Variants in XKR6 observed in about 807,000 individuals in gnomAD.
XKR6 encodes the protein XK-related protein 6.
In XKR6, 22 loss-of-function variants were observed where a neutral mutation model predicts 56.7. The ratio of observed to expected loss-of-function variants is 0.39; its 90% CI spans 0.28 to 0.55. The LOEUF (loss-of-function observed/expected upper bound fraction) is 0.55, where lower values mean the gene tolerates loss of function less well. XKR6 is among the 20% of genes least tolerant of loss of function. The pLI is 0.66. For missense variants in XKR6, 852 were observed against 889.0 expected, an observed-to-expected ratio of 0.96 and a Z score of 0.53; for synonymous variants, 524 against 387.8, an observed-to-expected ratio of 1.35 and a Z score of -4.13.
chr8:11,103,278 A>T (rs1007421534), intron 1 of XKR6, among the ~76,000 whole-genome samples: 20 of 152,218 alleles, frequency 1.3e-4, no homozygotes, highest in African/African-American at 4.1e-4. Context: ...TTATGCTGGT[A>T]GTGTGAAAAG....
intron 1 of XKR6, among the ~76,000 whole-genome samples, chr8:11,039,475 C>T (rs1400629817): frequency 6.6e-6 from 1 of 152,244 alleles, no homozygotes; most frequent in Non-Finnish European, 1.5e-5. Flanking sequence ...ACGCGCACTG[C>T]CCATGAGTAA....
intron 1 of XKR6, among the ~76,000 whole-genome samples, chr8:11,002,665 C>A (rs1798270195): frequency 6.6e-6 from 1 of 152,218 alleles, no homozygotes; most frequent in South Asian, 2.1e-4. Flanking sequence ...CTCACCACGC[C>A]AACCATGGGA....
rs149693100 is a variant in XKR6 at position 11,172,108 on chromosome 8, G to C, written c.764+28468C>G. Among the ~76,000 whole-genome samples the C allele has an allele frequency of 7.5e-3, 1,143 of 151,502 alleles. 19 individuals are homozygous for C. The highest frequency in any genetic ancestry group is 0.027 in the African/African-American group (1,102 of 41,328). On this transcript the variant is annotated intron_variant, in intron 1 of 2. Coordinates refer to ENST00000416569, the MANE Select transcript of XKR6 (RefSeq NM_173683.4). ...GTCTCAGGCCAGATACAGTGGCTCA[G>C]ACCTATAATCCCAGCACGTTGGGAG... is the stretch of plus-strand genomic sequence containing the variant.
chr8:11,016,121 C>T (rs1798615582), intron 1 of XKR6, among the ~76,000 whole-genome samples: 1 of 152,218 alleles, frequency 6.6e-6, no homozygotes, highest in African/African-American at 2.4e-5. Flanking sequence ...CTCTGTGGCC[C>T]CCTCGCATCC....
At chr8:11,103,683 G>T (rs1009132392) in intron 1 of XKR6, among the ~76,000 whole-genome samples, 12 of 152,186 alleles carry the variant, frequency 7.9e-5, no homozygotes, top group Admixed American at 3.9e-4. Flanking sequence ...AATGGAGCTT[G>T]CTTTGGAGGG....
chr8:10,972,938 G>C (rs536978248), intron 1 of XKR6, among the ~76,000 whole-genome samples: 1 of 152,316 alleles, frequency 6.6e-6, no homozygotes, highest in South Asian at 2.1e-4. Flanking sequence ...TGCACAGGTT[G>C]TAAGGGAAAG....
At chr8:11,199,382 C>T (rs577792309) in intron 1 of XKR6, among the ~76,000 whole-genome samples, 1 of 152,342 alleles carries the variant, frequency 6.6e-6, no homozygotes, top group South Asian at 2.1e-4. Flanking sequence ...ATTAAAAAGA[C>T]AGCAGACTTT....
chr8:10,946,025 C>T (rs1335956140), intron 1 of XKR6, among the ~76,000 whole-genome samples: 1 of 152,042 alleles, frequency 6.6e-6, no homozygotes, highest in Non-Finnish European at 1.5e-5. Context: ...GCTGGTGGCG[C>T]CCTGTGCTTT....
At chr8:10,967,684 T>C (rs1161693415) in intron 1 of XKR6, among the ~76,000 whole-genome samples, 1 of 152,228 alleles carries the variant, frequency 6.6e-6, no homozygotes, top group Non-Finnish European at 1.5e-5. Flanking sequence ...GCAGAGGGTC[T>C]GCAGCAACTT....
At chr8:11,017,461 C>A (rs890001079) in intron 1 of XKR6, among the ~76,000 whole-genome samples, 2 of 152,254 alleles carry the variant, frequency 1.3e-5, no homozygotes, top group African/African-American at 4.8e-5. Context: ...TGGCTGCAGG[C>A]AGTTTGAGCG....
chr8:11,165,506 A>T (rs1303996338), intron 1 of XKR6, among the ~76,000 whole-genome samples: 1 of 152,136 alleles, frequency 6.6e-6, no homozygotes, highest in African/African-American at 2.4e-5. Context: ...AGGTGAGGGC[A>T]ATGAGGGATG....
chr8:11,095,347 T>C (rs963910060), intron 1 of XKR6, among the ~76,000 whole-genome samples: 2 of 152,240 alleles, frequency 1.3e-5, no homozygotes, highest in Non-Finnish European at 2.9e-5. Flanking sequence ...ATATATTGTA[T>C]CTTCTAAGTT....
Position 11,112,426 on chromosome 8 carries a change from A to C in XKR6, c.764+88150T>G, listed in dbSNP as rs188422606. ...GGCCTTTTTTGAAAAAGAAAAAAAA[A>C]CAATTTTTTGGCAAAAGAAATCAAA... On this transcript the variant is annotated intron_variant, in intron 1 of 2. Transcript: ENST00000416569. Among the ~76,000 whole-genome samples, 369 of 152,338 alleles carry C rather than the reference A, an allele frequency of 2.4e-3. 1 individual carries two copies. Among genetic ancestry groups the C allele is most frequent in the Non-Finnish European group, 4.3e-3 (294 of 68,032 alleles).
chr8:11,097,474 T>C (rs866351618), intron 1 of XKR6, among the ~76,000 whole-genome samples: 2 of 109,808 alleles, frequency 1.8e-5, no homozygotes, highest in African/African-American at 9.2e-5. Context: ...AATATTTTCT[T>C]TTTTTTTTTA....
intron 1 of XKR6, among the ~76,000 whole-genome samples, chr8:11,062,187 G>A (rs929802053): frequency 2.6e-5 from 4 of 152,082 alleles, no homozygotes; most frequent in African/African-American, 9.7e-5. Flanking sequence ...ATCCTGCCCT[G>A]GGCTAGTCCG....
intron 1 of XKR6, among the ~76,000 whole-genome samples, chr8:10,944,248 TC>T (rs1435536612): frequency 6.6e-6 from 1 of 152,220 alleles, no homozygotes; most frequent in African/African-American, 2.4e-5. Flanking sequence ...AACTAGATGT[TC>T]CCAAAGGTAG....
chr8:11,070,655 A>C (rs955384976), intron 1 of XKR6, among the ~76,000 whole-genome samples: 1 of 152,224 alleles, frequency 6.6e-6, no homozygotes, highest in Non-Finnish European at 1.5e-5. Context: ...TGTGAATGTA[A>C]TGATTCCTCA....
intron 1 of XKR6, among the ~76,000 whole-genome samples, chr8:11,033,469 GTGA>G (rs998257919): frequency 8.6e-5 from 13 of 151,920 alleles, no homozygotes; most frequent in South Asian, 4.2e-4. Context: ...GGTAATGATG[GTGA>G]TGATGATGAT....
chr8:10,927,907 G>C (rs1800942765), intron 1 of XKR6, among the ~76,000 whole-genome samples: 1 of 152,134 alleles, frequency 6.6e-6, no homozygotes, highest in Non-Finnish European at 1.5e-5. Context: ...GGTGCCTCCT[G>C]GGTCACCCGC....
Sources: gnomAD v4.1 joint callset for allele counts (sites outside exome capture counted in the v4.1 genomes callset) on GRCh38, gnomAD v4.1.1 for gene constraint, MANE v1.5 for transcripts, NCBI Gene and HGNC (gene_info 2026-07-23, HGNC 2026-07-21) for gene names.